The following ATF7IP variants were observed in gnomAD, a reference collection of about 807,000 sequenced individuals.
The protein encoded by ATF7IP is activating transcription factor 7 interacting protein.
Under a neutral mutation model 106.4 loss-of-function variants are expected in ATF7IP, and 23 were observed. The ratio of observed to expected loss-of-function variants is 0.22; its 90% CI spans 0.16 to 0.31. The LOEUF is 0.31. ATF7IP is among the 10% of genes least tolerant of loss of function. The probability of loss-of-function intolerance (pLI) is 1.00; values close to 1 mark genes in which losing one functional copy is unlikely to be tolerated. For missense variants in ATF7IP, 1,334 were observed against 1,524.3 expected, an observed-to-expected ratio of 0.88 and a Z score of 2.08; for synonymous variants, 542 against 539.0, an observed-to-expected ratio of 1.01 and a Z score of -0.08.
chr12:14,443,834 A>G (rs1392069376), intron 5 of ATF7IP, among the ~76,000 whole-genome samples: 1 of 152,190 alleles, frequency 6.6e-6, no homozygotes, highest in Non-Finnish European at 1.5e-5. Flanking sequence ...ACCTCATATA[A>G]GGACAATATA....
chr12:14,417,062 T>G (rs559179916), intron 1 of ATF7IP: 27 of 426,984 alleles, frequency 6.3e-5, no homozygotes, highest in African/African-American at 5.8e-4. Flanking sequence ...AAAAAAATTC[T>G]GATAACAAAT....
At position 14,424,502 on chromosome 12, in the gene ATF7IP, CTGA is replaced by C. The variant is rs1231989171; in HGVS notation, c.592_594del (p.Asp198del). 4 of 1,614,054 alleles carry C rather than the reference CTGA, an allele frequency of 2.5e-6. No individual in the cohort carries two copies. The highest frequency in any genetic ancestry group is 1.3e-5 in the African/African-American group (1 of 74,928). ...GATGCCACCTCTGGTGATGCCACTG[CTGA>C]TGATCTCTCCTCTGGTGATCCCACC... On this transcript the variant is annotated inframe_deletion, in exon 2 of 15. Transcript: ENST00000261168.
At chr12:14,444,455 A>G (rs1242163842) in intron 5 of ATF7IP, among the ~76,000 whole-genome samples, 1 of 152,136 alleles carries the variant, frequency 6.6e-6, no homozygotes. Flanking sequence ...TGGTTTGTCT[A>G]GTTTCCCAAA....
At chr12:14,388,345 C>G (rs925229561) in intron 1 of ATF7IP, among the ~76,000 whole-genome samples, 4 of 151,364 alleles carry the variant, frequency 2.6e-5, no homozygotes, top group African/African-American at 9.7e-5. Context: ...CCACTGTGCC[C>G]TGCTAATTTT....
chr12:14,472,523 A>G (rs1248803845), intron 10 of ATF7IP, among the ~76,000 whole-genome samples: 1 of 152,082 alleles, frequency 6.6e-6, no homozygotes. Context: ...CCCCACCAGT[A>G]ACTTTTGTTG....
chr12:14,482,830 G>C (rs909376632), intron 13 of ATF7IP, among the ~76,000 whole-genome samples: 1 of 152,226 alleles, frequency 6.6e-6, no homozygotes, highest in Middle Eastern at 3.4e-3. Flanking sequence ...CAAATAAAGA[G>C]AGTAATAAGG....
chr12:14,372,802 T>C (rs1237626551), intron 1 of ATF7IP, among the ~76,000 whole-genome samples: 3 of 152,150 alleles, frequency 2.0e-5, no homozygotes, highest in African/African-American at 7.2e-5. Flanking sequence ...TATGCTACTT[T>C]GGGGAAGTAT....
At chr12:14,453,321 G>A (rs1003867228) in intron 6 of ATF7IP, among the ~76,000 whole-genome samples, 2 of 151,932 alleles carry the variant, frequency 1.3e-5, no homozygotes, top group Non-Finnish European at 2.9e-5. Flanking sequence ...TGTGTATATT[G>A]GTCTGCCTGT....
At chr12:14,378,845 T>G (rs939098610) in intron 1 of ATF7IP, among the ~76,000 whole-genome samples, 1 of 152,212 alleles carries the variant, frequency 6.6e-6, no homozygotes, top group African/African-American at 2.4e-5. Flanking sequence ...GACGATTTGG[T>G]ACAGTTACTA....
intron 1 of ATF7IP, among the ~76,000 whole-genome samples, chr12:14,403,146 T>G (rs1166558134): frequency 6.6e-6 from 1 of 152,196 alleles, no homozygotes; most frequent in African/African-American, 2.4e-5. Flanking sequence ...TGTTCTTAAT[T>G]TTTATTTTTA....
chr12:14,393,516 T>C (rs1939687195), intron 1 of ATF7IP, among the ~76,000 whole-genome samples: 1 of 151,028 alleles, frequency 6.6e-6, no homozygotes, highest in Non-Finnish European at 1.5e-5. Context: ...ATAACCTAGA[T>C]AATATTTTTG....
intron 12 of ATF7IP, among the ~76,000 whole-genome samples, chr12:14,479,350 G>A (rs549760128): frequency 6.6e-6 from 1 of 152,280 alleles, no homozygotes; most frequent in East Asian, 1.9e-4. Flanking sequence ...TCAAGAAGCT[G>A]TAAATTCAAA....
chr12:14,430,776 A>G lies in ATF7IP; in HGVS notation c.1559-3561A>G, dbSNP rs553269747. Among the ~76,000 whole-genome samples the G allele has an allele frequency of 4.6e-5, 7 of 152,342 alleles. No individual in the cohort carries two copies. In the East Asian group the frequency reaches 7.7e-4, roughly 17 times the overall value. Reference sequence around the variant, plus strand: ...GCCTGTGAGCCCTGTTTTTGTAAATAAAGTTTTATTTACATAAACATAGCT... The same window carrying G: ...GCCTGTGAGCCCTGTTTTTGTAAATGAAGTTTTATTTACATAAACATAGCT... On this transcript the variant is annotated intron_variant, in intron 2 of 14. Coordinates refer to ENST00000261168, the MANE Select transcript of ATF7IP (RefSeq NM_018179.5).
At chr12:14,480,027 G>A (rs749489646) in intron 12 of ATF7IP, among the ~76,000 whole-genome samples, 1 of 152,056 alleles carries the variant, frequency 6.6e-6, no homozygotes, top group Non-Finnish European at 1.5e-5. Flanking sequence ...GTTCTTTCTT[G>A]TTAATACTTT....
rs144759918 is a variant in ATF7IP at position 14,410,038 on chromosome 12, C to T, written c.-7-13871C>T. Among the ~76,000 whole-genome samples the T allele has an allele frequency of 4.2e-3, 642 of 152,104 alleles. 10 individuals are homozygous for T. The highest frequency in any genetic ancestry group is 0.015 in the African/African-American group (617 of 41,500). On this transcript the variant is annotated intron_variant, in intron 1 of 14. Coordinates refer to ENST00000261168, the MANE Select transcript of ATF7IP (RefSeq NM_018179.5). ...AATCAATGTTTGAACATTTATATTA[C>T]CCTATAAAGAAATCCTGTACCCTTT...
intron 2 of ATF7IP, among the ~76,000 whole-genome samples, chr12:14,433,969 C>A (rs1591849907): frequency 6.6e-6 from 1 of 152,300 alleles, no homozygotes; most frequent in Middle Eastern, 3.4e-3. Flanking sequence ...ATAATTGTCA[C>A]AGGCACTATT....
chr12:14,447,124 G>A (rs1424040343), intron 6 of ATF7IP, 71 bp downstream of exon 6: 2 of 1,228,810 alleles, frequency 1.6e-6, no homozygotes, highest in Non-Finnish European at 2.3e-6. Context: ...GCTGAATTAG[G>A]AGGAAACTGT....
intron 5 of ATF7IP, among the ~76,000 whole-genome samples, chr12:14,441,011 C>G (rs1480109851): frequency 6.6e-6 from 1 of 152,194 alleles, no homozygotes; most frequent in African/African-American, 2.4e-5. Context: ...TTCCTACTTT[C>G]AGCTATTGTG....
intron 13 of ATF7IP, among the ~76,000 whole-genome samples, chr12:14,485,317 G>A (rs1944564617): frequency 6.6e-6 from 1 of 151,782 alleles, no homozygotes; most frequent in Non-Finnish European, 1.5e-5. Flanking sequence ...TAGATGTTGT[G>A]CCTCTTTCTT....
Sources: gnomAD v4.1 joint callset for allele counts (sites outside exome capture counted in the v4.1 genomes callset) on GRCh38, gnomAD v4.1.1 for gene constraint, MANE v1.5 for transcripts, NCBI Gene and HGNC (gene_info 2026-07-23, HGNC 2026-07-21) for gene names.